The following LRP8 variants were observed in gnomAD, a reference collection of about 807,000 sequenced individuals.
The protein encoded by LRP8 is low-density lipoprotein receptor-related protein 8.
In LRP8, 46 loss-of-function variants were observed where a neutral mutation model predicts 111.6. The ratio of observed to expected loss-of-function variants is 0.41; its 90% CI spans 0.33 to 0.53. The LOEUF (loss-of-function observed/expected upper bound fraction) is 0.53. LRP8 is among the 20% of genes least tolerant of loss of function. LRP8 has a pLI of 0.20. For synonymous variants in LRP8, 464 were observed against 511.2 expected (o/e 0.91, Z 1.24); for missense variants, 959 against 1,297.4 (o/e 0.74, Z 4.01).
chr1:53,244,620 A>G lies in LRP8; in HGVS notation c.*2398T>C, dbSNP rs1645692598. The G allele has an allele frequency of 6.6e-6, 1 of 152,250 alleles. No homozygotes were observed. Among genetic ancestry groups the G allele is most frequent in the Non-Finnish European group, 1.5e-5 (1 of 68,042 alleles). The allele number at this position is 152,250 out of a possible 1,614,324, so 9.4% of individuals were successfully genotyped here. On this transcript the variant is annotated 3_prime_UTR_variant, in exon 19 of 19. Coordinates refer to ENST00000306052, the MANE Select transcript of LRP8 (RefSeq NM_004631.5). ...TATGCAGGAAACATGAATGTCTCTG[A>G]GAAAAAGTTGTGAATTTCATTGTCA... is the stretch of plus-strand genomic sequence containing the variant.
In LRP8 at chr1:53,328,041, C is replaced by T; in HGVS notation, c.-129G>A. Reference sequence around the variant, plus strand: ...CCCGCCGCCGCCGCCGCCGCCGCTGCCGCCCGCCCCGGCTCCTCGGCTGCA... The same window carrying T: ...CCCGCCGCCGCCGCCGCCGCCGCTGTCGCCCGCCCCGGCTCCTCGGCTGCA... On this transcript the variant is annotated 5_prime_UTR_variant, in exon 1 of 19. Transcript: ENST00000306052. 2.5e-6 allele frequency: 1 copy of T among 403,504 alleles called. No individual in the cohort carries two copies. The highest frequency in any genetic ancestry group is 2.2e-5 in the African/African-American group (1 of 46,164). 25.0% of individuals were successfully genotyped at this position (403,504 alleles called of 1,614,324 possible). A position where few individuals can be genotyped will look rare whatever the true frequency, so the allele number is the denominator to read the frequency against.
intron 4 of LRP8, among the ~76,000 whole-genome samples, chr1:53,277,413 A>G (rs1646961370): frequency 6.6e-6 from 1 of 152,148 alleles, no homozygotes; most frequent in South Asian, 2.1e-4. Context: ...GATCTGTTAA[A>G]TGACACTGAC....
intron 6 of LRP8, 137 bp from the exon 7 acceptor site, chr1:53,271,483 T>C: frequency 1.1e-6 from 1 of 925,716 alleles, no homozygotes; most frequent in Non-Finnish European, 1.6e-6. Flanking sequence ...ACAACCTCAC[T>C]GAGCCTCAGC....
rs12097355 is a variant in LRP8, at chr1:53,258,055, G to A, written c.2209+264C>T. ...GTTCTTAACTTGAGGTTTTTAAAGCGTTCCAGAAACTCCCTGAAACTGAAT... is the reference window on the plus strand; with the variant it reads ...GTTCTTAACTTGAGGTTTTTAAAGCATTCCAGAAACTCCCTGAAACTGAAT... On this transcript the variant is annotated intron_variant, in intron 14 of 18. Transcript: ENST00000306052. 1.9e-3 allele frequency: 544 copies of A among 287,524 alleles called. 1 individual carries two copies. The highest frequency in any genetic ancestry group is 0.011 in the African/African-American group (506 of 45,730). The allele number at this position is 287,524 out of a possible 1,614,324, so 17.8% of individuals were successfully genotyped here. A position where few individuals can be genotyped will look rare whatever the true frequency, so the allele number is the denominator to read the frequency against.
At chr1:53,248,094 G>A (rs1475147752) in intron 18 of LRP8, among the ~76,000 whole-genome samples, 1 of 152,194 alleles carries the variant, frequency 6.6e-6, no homozygotes, top group East Asian at 1.9e-4. Flanking sequence ...AATGCACAGA[G>A]AGTGTTTAAC....
At position 53,317,804 on chromosome 1, in the gene LRP8, G is replaced by C. The variant is rs552695616; in HGVS notation, c.244+9069C>G. Reference sequence around the variant, plus strand: ...TTTTCTCCATCACTGCACTGCATCCGGCCCAATTGTGAGTGCAGGAAGAAG... The same window carrying C: ...TTTTCTCCATCACTGCACTGCATCCCGCCCAATTGTGAGTGCAGGAAGAAG... On this transcript the variant is annotated intron_variant, in intron 2 of 18. Transcript: ENST00000306052. The surrounding 1 kb of genome is among the most constrained non-coding windows in gnomAD (Gnocchi z 4.9). Among the ~76,000 whole-genome samples, 1 of 152,312 alleles carries C rather than the reference G, an allele frequency of 6.6e-6. No individual in the cohort carries two copies. Among genetic ancestry groups the C allele is most frequent in the East Asian group, 1.9e-4 (1 of 5,188 alleles).
chr1:53,281,298 A>G (rs925914540), intron 3 of LRP8, among the ~76,000 whole-genome samples: 5 of 152,226 alleles, frequency 3.3e-5, no homozygotes, highest in African/African-American at 1.2e-4. Context: ...CTGCATAGCT[A>G]TAATTACTGC....
chr1:53,327,178 C>G, intron 1 of LRP8, 186 bp from the exon 2 acceptor site: 2 of 741,774 alleles, frequency 2.7e-6, no homozygotes, highest in Non-Finnish European at 4.3e-6. Flanking sequence ...GATGTCGGGC[C>G]GCTCGGTGGC....
intron 2 of LRP8, among the ~76,000 whole-genome samples, chr1:53,312,399 T>C (rs1485769259): frequency 6.6e-6 from 1 of 152,178 alleles, no homozygotes; most frequent in African/African-American, 2.4e-5. Flanking sequence ...GGGTCTGGCT[T>C]CCTTACCCAG....
At chr1:53,324,129 A>G (rs981478888) in intron 2 of LRP8, among the ~76,000 whole-genome samples, 1 of 152,196 alleles carries the variant, frequency 6.6e-6, no homozygotes, top group Non-Finnish European at 1.5e-5. Context: ...GTCAGGGGTA[A>G]GGCACGGAGA....
In LRP8 at chr1:53,296,502, C is replaced by A. The variant is rs576226878; in HGVS notation, c.245-6813G>T. 2.6e-5 allele frequency among the ~76,000 whole-genome samples: 4 copies of A among 152,344 alleles called. No individual in the cohort carries two copies. The East Asian group carries it at 7.7e-4, about 29-fold the overall frequency. On this transcript the variant is annotated intron_variant, in intron 2 of 18. Transcript: ENST00000306052. ...GGGGAGATGAAAGGGCTGCTCCCAC[C>A]AACAGTTACCCTTCGACAGAGCTCG...
intron 2 of LRP8, among the ~76,000 whole-genome samples, chr1:53,312,151 T>C (rs915329314): frequency 6.6e-6 from 1 of 152,060 alleles, no homozygotes; most frequent in Non-Finnish European, 1.5e-5. Context: ...CTCACCACAG[T>C]CATACGAGGT....
At position 53,285,702 on chromosome 1, in the gene LRP8, T is replaced by C. The variant is rs939497656; in HGVS notation, c.367+3865A>G. Among the ~76,000 whole-genome samples the C allele has an allele frequency of 1.4e-4, 21 of 152,280 alleles. 1 individual carries two copies. Among genetic ancestry groups the C allele is most frequent in the African/African-American group, 4.8e-4 (20 of 41,560 alleles). On this transcript the variant is annotated intron_variant, in intron 3 of 18. Transcript: ENST00000306052. ...CTGGGGACGTGCCTGTTGTCACCACTGGGGAATGCACATTATAAGTCCACA... is the reference window on the plus strand; with the variant it reads ...CTGGGGACGTGCCTGTTGTCACCACCGGGGAATGCACATTATAAGTCCACA...
intron 2 of LRP8, among the ~76,000 whole-genome samples, chr1:53,316,515 G>A (rs2100537128): frequency 6.6e-6 from 1 of 152,302 alleles, no homozygotes; most frequent in African/African-American, 2.4e-5. Context: ...GGGCCCCATG[G>A]GGTTGGATTT....
chr1:53,312,652 C>A (rs569329726), intron 2 of LRP8, among the ~76,000 whole-genome samples: 1 of 152,006 alleles, frequency 6.6e-6, no homozygotes, highest in East Asian at 1.9e-4. Flanking sequence ...AGCCACTGTG[C>A]CTGGCCTTTT....
Position 53,246,980 on chromosome 1 carries a change from A to G in LRP8, c.*38T>C, listed in dbSNP as rs758766527. 1 of 1,594,456 alleles carries G rather than the reference A, an allele frequency of 6.3e-7. No individual in the cohort carries two copies. Among genetic ancestry groups the G allele is most frequent in the South Asian group, 1.1e-5 (1 of 89,034 alleles). ...CACCATCCAGAGTGTAGTGCATGGG[A>G]CTGAATTCCATGAGGCACGAAGGGG... On this transcript the variant is annotated 3_prime_UTR_variant, in exon 19 of 19. Transcript: ENST00000306052.
intron 2 of LRP8, among the ~76,000 whole-genome samples, chr1:53,299,489 T>C (rs1650394344): frequency 6.6e-6 from 1 of 152,208 alleles, no homozygotes; most frequent in African/African-American, 2.4e-5. Flanking sequence ...GCTGCCTCTC[T>C]GGAGTGCTCC....
At chr1:53,271,443 G>A (rs1264537064) in intron 6 of LRP8, 97 bp from the exon 7 acceptor site, 2 of 1,402,650 alleles carry the variant, frequency 1.4e-6, no homozygotes, top group Non-Finnish European at 2.0e-6. Flanking sequence ...CCTCAGGGCA[G>A]TGGGACTCCC....
At chr1:53,325,724 G>GCAGTGTT (rs1315394092) in intron 2 of LRP8, among the ~76,000 whole-genome samples, 2 of 152,232 alleles carry the variant, frequency 1.3e-5, no homozygotes, top group Admixed American at 6.5e-5. Flanking sequence ...CCCTTCCTGT[G>GCAGTGTT]CAGTGTGGGG....
Sources: allele counts gnomAD v4.1 joint callset (sites outside exome capture counted in the v4.1 genomes callset), GRCh38; gene constraint gnomAD v4.1.1; non-coding constraint Gnocchi (gnomAD v3.1); transcripts MANE v1.5; gene names NCBI Gene and HGNC (gene_info 2026-07-23, HGNC 2026-07-21).